Variants in MTDH observed in about 807,000 individuals in gnomAD.
The protein encoded by MTDH is protein LYRIC.
MTDH carries 34 observed loss-of-function variants against 72.7 expected under a neutral mutation model. The observed-to-expected ratio is 0.47, with a 90% CI of 0.36 to 0.62. MTDH has a LOEUF of 0.62. Among genes scored for constraint, MTDH ranks in the 20% least tolerant of loss-of-function variants. MTDH has a pLI of 0.00. For synonymous variants in MTDH, 266 were observed against 268.9 expected (o/e 0.99, Z 0.10); for missense variants, 677 against 699.4 (o/e 0.97, Z 0.36).
chr8:97,691,091 T>G lies in MTDH; in HGVS notation c.951T>G (p.Thr317=), dbSNP rs761502297. Residue 317 remains threonine, a synonymous_variant, in exon 6 of 12, where the codon ACT becomes ACG. Coordinates refer to ENST00000336273, the MANE Select transcript of MTDH (RefSeq NM_178812.4). ...VSPASAGKRK[T]EPSAWSQDTG... is the part of the protein sequence containing the mutation. The stretch of plus-strand genomic sequence containing the variant: ...CTGCTTCTGCAGGAAAGAGGAAAAC[T>G]GAGCCATCTGCCTGGAGTCAAGACA... The G allele has an allele frequency of 1.5e-5, 24 of 1,614,056 alleles. No individual in the cohort carries two copies. Among genetic ancestry groups the G allele is most frequent in the Non-Finnish European group, 2.0e-5 (24 of 1,180,046 alleles).
rs1467831236 is a variant in MTDH at position 97,719,056 on chromosome 8, A to G, written c.1388A>G (p.Glu463Gly). The change falls in exon 10 of 12, where the codon GAA (glutamate) becomes GGA (glycine). Residue 463 changes from glutamate (E) to glycine (G), a missense_variant. Around this residue, in one of 3 missense-constraint regions of MTDH, gnomAD observed 201 missense variants for 204.5 expected, o/e 0.98. Transcript: ENST00000336273. ...GGTTATTTTTCTCTATAGGACACAGAAGAATTAGAAAAAGAGATTAGAGAA... is the reference window on the plus strand; with the variant it reads ...GGTTATTTTTCTCTATAGGACACAGGAGAATTAGAAAAAGAGATTAGAGAA... Reference protein sequence around the residue: ...GEDNSTAQDTEELEKEIREDL... With the variant: ...GEDNSTAQDTGELEKEIREDL... 1 of 1,601,952 alleles carries G rather than the reference A, an allele frequency of 6.2e-7. No individual in the cohort carries two copies. The highest frequency in any genetic ancestry group is 8.5e-7 in the Non-Finnish European group (1 of 1,174,850).
chr8:97,697,198 C>G (rs1813896572), intron 6 of MTDH, among the ~76,000 whole-genome samples: 1 of 134,106 alleles, frequency 7.5e-6, no homozygotes, highest in African/African-American at 3.0e-5. Context: ...TCCGCAGCGT[C>G]TGGAATCACT....
rs1475349693 is a variant in MTDH, at chr8:97,691,935, A to C, written c.1048+747A>C. Among the ~76,000 whole-genome samples the C allele has an allele frequency of 7.2e-5, 11 of 152,108 alleles. No homozygotes were observed. In the East Asian group the frequency reaches 1.7e-3, roughly 24 times the overall value. On this transcript the variant is annotated intron_variant, in intron 6 of 11. Coordinates refer to ENST00000336273, the MANE Select transcript of MTDH (RefSeq NM_178812.4). ...TGCTCTGTCTCCCAGGCTGGAGTGCAGTGGCGCGATCTCAGCTCACTGCAA... is the reference window on the plus strand; with the variant it reads ...TGCTCTGTCTCCCAGGCTGGAGTGCCGTGGCGCGATCTCAGCTCACTGCAA...
intron 1 of MTDH, among the ~76,000 whole-genome samples, chr8:97,648,819 A>G (rs1811659924): frequency 6.6e-6 from 1 of 152,212 alleles, no homozygotes; most frequent in African/African-American, 2.4e-5. Context: ...TTGGTACTCA[A>G]AAATAATTAT....
rs975632451 is a variant in MTDH, at chr8:97,726,960, T to A, written c.*2290T>A. ...TGGGTGTGGTGGTGGGCTCCTGTAATCCCAGCTACTCAGGAGGCTAAGGCA... is the reference window on the plus strand; with the variant it reads ...TGGGTGTGGTGGTGGGCTCCTGTAAACCCAGCTACTCAGGAGGCTAAGGCA... On this transcript the variant is annotated 3_prime_UTR_variant, in exon 12 of 12. Coordinates refer to ENST00000336273, the MANE Select transcript of MTDH (RefSeq NM_178812.4). 6 of 151,124 alleles carry A rather than the reference T, an allele frequency of 4.0e-5. No homozygotes were observed. The highest frequency in any genetic ancestry group is 7.4e-5 in the Non-Finnish European group (5 of 67,926). The allele number at this position is 151,124 out of a possible 1,614,324, so 9.4% of individuals were successfully genotyped here. A position where few individuals can be genotyped will look rare whatever the true frequency, so the allele number is the denominator to read the frequency against.
intron 2 of MTDH, among the ~76,000 whole-genome samples, chr8:97,665,057 C>T (rs4734368): frequency 0.018 from 2,694 of 152,308 alleles, 59 homozygotes; most frequent in Admixed American, 0.055. Flanking sequence ...CCAGTACACC[C>T]GGCCTGCCTT....
chr8:97,676,425 A>G (rs1357129554), intron 2 of MTDH, among the ~76,000 whole-genome samples: 2 of 152,178 alleles, frequency 1.3e-5, no homozygotes, highest in East Asian at 3.8e-4. Flanking sequence ...CATGAATTGT[A>G]CACTATGCCT....
intron 6 of MTDH, among the ~76,000 whole-genome samples, chr8:97,698,428 G>A (rs1234279490): frequency 6.6e-6 from 1 of 152,160 alleles, no homozygotes; most frequent in Non-Finnish European, 1.5e-5. Flanking sequence ...ACTATATGCA[G>A]AATTTTGTGT....
At chr8:97,699,602 C>A in intron 6 of MTDH, 152 bp from the exon 7 acceptor site, 1 of 537,386 alleles carries the variant, frequency 1.9e-6, no homozygotes, top group South Asian at 2.4e-5. Flanking sequence ...TCTACTTTTC[C>A]TTTTAACTTA....
intron 2 of MTDH, among the ~76,000 whole-genome samples, chr8:97,666,904 C>A (rs1395031686): frequency 6.6e-6 from 1 of 152,162 alleles, no homozygotes; most frequent in African/African-American, 2.4e-5. Context: ...ACTGTGTTGG[C>A]CAGGCTGGTC....
chr8:97,707,421 A>AT (rs1304259054), intron 8 of MTDH, among the ~76,000 whole-genome samples: 1 of 133,238 alleles, frequency 7.5e-6, no homozygotes, highest in African/African-American at 2.8e-5. Context: ...AAGTGCTGGG[A>AT]TTACAGGCGT....
chr8:97,666,685 CCA>C (rs1394016335), intron 2 of MTDH, among the ~76,000 whole-genome samples: 1 of 152,136 alleles, frequency 6.6e-6, no homozygotes, highest in Non-Finnish European at 1.5e-5. Context: ...AACCAAACTT[CCA>C]CTCATTATAT....
intron 10 of MTDH, among the ~76,000 whole-genome samples, chr8:97,722,441 AAC>A (rs1399416704): frequency 3.3e-5 from 5 of 151,976 alleles, no homozygotes; most frequent in African/African-American, 7.3e-5. Context: ...CTCTACTAAA[AAC>A]ACAAAAAAAA....
intron 1 of MTDH, among the ~76,000 whole-genome samples, chr8:97,649,814 G>A (rs1811698188): frequency 6.6e-6 from 1 of 152,220 alleles, no homozygotes; most frequent in South Asian, 2.1e-4. Flanking sequence ...TGTTGCCCAC[G>A]CATGGACTCA....
Position 97,644,777 on chromosome 8 carries a change from G to C in MTDH, c.271G>C (p.Glu91Gln), listed in dbSNP as rs1033517046. The change falls in exon 1 of 12, where the codon GAG (glutamate) becomes CAG (glutamine). Residue 91 changes from glutamate (E) to glutamine (Q), a missense_variant. Around this residue, in one of 3 missense-constraint regions of MTDH, gnomAD observed 467 missense variants for 469.1 expected, o/e 1.00. Coordinates refer to ENST00000336273, the MANE Select transcript of MTDH (RefSeq NM_178812.4). Reference sequence around the variant, plus strand: ...GAGGAGCCCGCCCCGCAAGCGGGAGGAGGCGGCGGCCGTGCCGGCCGCGGC... The same window carrying C: ...GAGGAGCCCGCCCCGCAAGCGGGAGCAGGCGGCGGCCGTGCCGGCCGCGGC... ...KRRSPPRKREEAAAVPAAAPD... is the reference protein window; with the variant it reads ...KRRSPPRKREQAAAVPAAAPD... 6.4e-7 allele frequency: 1 copy of C among 1,552,082 alleles called. No homozygotes were observed. The highest frequency in any genetic ancestry group is 2.2e-5 in the Admixed American group (1 of 45,112).
In MTDH at chr8:97,644,342, C is replaced by T. The variant is rs1811469383; in HGVS notation, c.-165C>T. On this transcript the variant is annotated 5_prime_UTR_variant, in exon 1 of 12. Transcript: ENST00000336273. ...CGGGGAACCTGGGAGACCCCTCCGC[C>T]CTCCCCGCGGTGGCAGCGGCCGATC... 2 of 915,380 alleles carry T rather than the reference C, an allele frequency of 2.2e-6. No individual in the cohort carries two copies. The highest frequency in any genetic ancestry group is 7.1e-5 in the Admixed American group (2 of 28,240). 56.7% of individuals were successfully genotyped at this position (915,380 alleles called of 1,614,324 possible).
chr8:97,644,533 G>T lies in MTDH; in HGVS notation c.27G>T (p.Glu9Asp), dbSNP rs1811478621. The stretch of plus-strand genomic sequence containing the variant: ...TGGCTGCACGGAGCTGGCAGGACGA[G>T]CTGGCCCAGCAGGCCGAGGAGGGCT... MAARSWQD[E>D]LAQQAEEGSA... is the part of the protein sequence containing the mutation. Residue 9 changes from glutamate to aspartate, a missense_variant, in exon 1 of 12, where the codon GAG (glutamate) becomes GAT (aspartate). This residue lies in a region of MTDH where 467 missense variants were observed against 469.1 expected (regional missense o/e 1.00). Coordinates refer to ENST00000336273, the MANE Select transcript of MTDH (RefSeq NM_178812.4). The T allele has an allele frequency of 6.3e-7, 1 of 1,595,792 alleles. No individual in the cohort carries two copies. Among genetic ancestry groups the T allele is most frequent in the Non-Finnish European group, 8.5e-7 (1 of 1,175,814 alleles).
chr8:97,667,047 A>C (rs1341084006), intron 2 of MTDH, among the ~76,000 whole-genome samples: 1 of 152,114 alleles, frequency 6.6e-6, no homozygotes, highest in African/African-American at 2.4e-5. Flanking sequence ...CCTGGAGCGC[A>C]GTGGCACAGT....
rs571362271 is a variant in MTDH, at chr8:97,653,037, T to G, written c.382-8035T>G. Among the ~76,000 whole-genome samples, 62 of 151,946 alleles carry G rather than the reference T, an allele frequency of 4.1e-4. No homozygotes were observed. In the South Asian group the frequency reaches 0.013, roughly 32 times the overall value. ...AGGAGGCTGAGACAGGGGAATCGCT[T>G]GAACCCGGGAGGCGGAGGTTGCAGT... On this transcript the variant is annotated intron_variant, in intron 1 of 11. Transcript: ENST00000336273.
Sources: gnomAD v4.1 joint callset for allele counts (sites outside exome capture counted in the v4.1 genomes callset) on GRCh38, gnomAD v4.1.1 for gene constraint, gnomAD v4.1.1 regional missense constraint, MANE v1.5 for transcripts, NCBI Gene and HGNC (gene_info 2026-07-23, HGNC 2026-07-21) for gene names.